Variants in LEKR1 observed in about 807,000 individuals in gnomAD.
LEKR1 encodes the protein leucine, glutamate and lysine rich 1.
LEKR1 carries 59 observed loss-of-function variants against 72.4 expected under a neutral mutation model. The ratio of observed to expected loss-of-function variants is 0.82; its 90% CI spans 0.66 to 1.01. The LOEUF (loss-of-function observed/expected upper bound fraction) is 1.01. Among genes scored for constraint, LEKR1 ranks in the 50% least tolerant of loss-of-function variants. The probability of loss-of-function intolerance (pLI) is 0.00; values close to 1 mark genes in which losing one functional copy is unlikely to be tolerated. For missense variants in LEKR1, 728 were observed against 759.2 expected (o/e 0.96, Z 0.48); for synonymous variants, 257 against 263.2 (o/e 0.98, Z 0.23).
At chr3:156,983,255 T>C (rs1251998663) in intron 7 of LEKR1, among the ~76,000 whole-genome samples, 2 of 152,000 alleles carry the variant, frequency 1.3e-5, no homozygotes, top group South Asian at 2.1e-4. Flanking sequence ...TGAAGAGCAA[T>C]TGAGTGGTGA....
chr3:156,911,860 A>G lies in LEKR1; in HGVS notation c.264-8715A>G, dbSNP rs527999023. ...GTTCTCTATTCTGTTCCATTGGTCTATGTGTCTGTTTTCATACCAGTACTA... is the reference window on the plus strand; with the variant it reads ...GTTCTCTATTCTGTTCCATTGGTCTGTGTGTCTGTTTTCATACCAGTACTA... On this transcript the variant is annotated intron_variant, in intron 3 of 12. Transcript: ENST00000356539. Among the ~76,000 whole-genome samples, 6 of 151,940 alleles carry G rather than the reference A, an allele frequency of 3.9e-5. 1 individual carries two copies. The South Asian group carries it at 1.0e-3, about 26-fold the overall frequency.
intron 3 of LEKR1, among the ~76,000 whole-genome samples, chr3:156,899,457 C>T (rs1299323474): frequency 2.9e-5 from 2 of 69,820 alleles, no homozygotes; most frequent in Non-Finnish European, 5.6e-5. Context: ...CATATATACA[C>T]ATATATACAT....
intron 2 of LEKR1, among the ~76,000 whole-genome samples, chr3:156,834,412 T>C (rs2108529016): frequency 6.6e-6 from 1 of 152,286 alleles, no homozygotes; most frequent in African/African-American, 2.4e-5. Context: ...TTTGGGACAA[T>C]CCTCAAAAAT....
At chr3:157,012,320 T>C (rs1732957330) in intron 10 of LEKR1, among the ~76,000 whole-genome samples, 1 of 152,108 alleles carries the variant, frequency 6.6e-6, no homozygotes, top group Non-Finnish European at 1.5e-5. Context: ...TCTTATTATG[T>C]CTTAAATTTT....
chr3:156,947,079 G>A (rs903856280), intron 6 of LEKR1, among the ~76,000 whole-genome samples: 3 of 150,460 alleles, frequency 2.0e-5, no homozygotes, highest in East Asian at 3.9e-4. Context: ...TTTTCATTTT[G>A]TTGATCTTTT....
intron 5 of LEKR1, among the ~76,000 whole-genome samples, chr3:156,931,911 A>G (rs888883393): frequency 6.6e-6 from 1 of 152,180 alleles, no homozygotes; most frequent in East Asian, 1.9e-4. Flanking sequence ...TTTTTATTAC[A>G]TAGTGGATGC....
rs999586690 is a variant in LEKR1 at position 156,850,246 on chromosome 3, T to G, written c.49-2522T>G. On this transcript the variant is annotated intron_variant, in intron 2 of 12. Coordinates refer to ENST00000356539, the MANE Select transcript of LEKR1 (RefSeq NM_001004316.3). ...TGAGTCTAAGATAATATAAGATATA[T>G]ATTTTTATATATTTTATATATTTGT... 5.3e-5 allele frequency among the ~76,000 whole-genome samples: 8 copies of G among 151,072 alleles called. No homozygotes were observed. The East Asian group carries it at 1.5e-3, about 29-fold the overall frequency.
At chr3:156,886,325 G>T (rs1384708980) in intron 3 of LEKR1, among the ~76,000 whole-genome samples, 1 of 152,064 alleles carries the variant, frequency 6.6e-6, no homozygotes, top group Non-Finnish European at 1.5e-5. Context: ...TTTACCCCAG[G>T]CCGTGAGCTA....
chr3:156,969,811 CACA>C (rs1481758017), intron 6 of LEKR1, among the ~76,000 whole-genome samples: 1 of 152,034 alleles, frequency 6.6e-6, no homozygotes, highest in Non-Finnish European at 1.5e-5. Context: ...CTGGCAGAGA[CACA>C]ACAAAAAAAG....
At chr3:156,923,128 C>T (rs548395004) in intron 4 of LEKR1, among the ~76,000 whole-genome samples, 65 of 152,194 alleles carry the variant, frequency 4.3e-4, no homozygotes, top group East Asian at 9.6e-4. Context: ...TTTATTACCC[C>T]GTATCTTTTT....
intron 3 of LEKR1, among the ~76,000 whole-genome samples, chr3:156,903,860 A>G (rs1032824125): frequency 6.6e-6 from 1 of 152,188 alleles, no homozygotes; most frequent in Non-Finnish European, 1.5e-5. Flanking sequence ...TGATTGACTC[A>G]GTGTTGGGGA....
intron 6 of LEKR1, among the ~76,000 whole-genome samples, chr3:156,958,722 C>T (rs1202489343): frequency 2.0e-5 from 3 of 152,146 alleles, no homozygotes; most frequent in Non-Finnish European, 4.4e-5. Context: ...CTTCTCTTCA[C>T]CTTGACTTCT....
intron 3 of LEKR1, among the ~76,000 whole-genome samples, chr3:156,903,319 T>A (rs901370167): frequency 2.6e-5 from 4 of 152,166 alleles, no homozygotes; most frequent in Non-Finnish European, 5.9e-5. Context: ...TGACTTTTAG[T>A]GATTTTTTGT....
chr3:157,018,431 A>G lies in LEKR1; in HGVS notation c.1204-6329A>G, dbSNP rs146428739. On this transcript the variant is annotated intron_variant, in intron 10 of 12. Transcript: ENST00000356539. ...AAATCGACCATATTTTGGCTTATAA[A>G]TAAGTCTCAATAAGTTTAAAAGGAT... Among the ~76,000 whole-genome samples, 290 of 152,360 alleles carry G rather than the reference A, an allele frequency of 1.9e-3. 1 individual carries two copies. Among genetic ancestry groups the G allele is most frequent in the Non-Finnish European group, 5.7e-4 (39 of 68,040 alleles).
At chr3:156,886,857 G>T (rs1720152101) in intron 3 of LEKR1, among the ~76,000 whole-genome samples, 1 of 152,152 alleles carries the variant, frequency 6.6e-6, no homozygotes, top group Non-Finnish European at 1.5e-5. Context: ...AATTCATATA[G>T]TAACGTGAAT....
At chr3:156,932,105 A>G (rs1250934509) in intron 5 of LEKR1, among the ~76,000 whole-genome samples, 2 of 152,324 alleles carry the variant, frequency 1.3e-5, no homozygotes, top group African/African-American at 2.4e-5. Flanking sequence ...TGATGGATGT[A>G]TAAAGTATTT....
chr3:156,962,324 G>A (rs2321297), intron 6 of LEKR1, among the ~76,000 whole-genome samples: 88,095 of 152,032 alleles, frequency 0.58, 26,540 homozygotes, highest in East Asian at 0.73. Context: ...TTTACAAACA[G>A]AAAACCAAGG....
intron 7 of LEKR1, among the ~76,000 whole-genome samples, chr3:156,981,727 G>A (rs139222801): frequency 3.3e-5 from 5 of 152,332 alleles, no homozygotes; most frequent in African/African-American, 1.2e-4. Context: ...TCAGAGGTCA[G>A]GAGGTGAGGC....
At chr3:157,020,428 C>A (rs1299848826) in intron 10 of LEKR1, among the ~76,000 whole-genome samples, 1 of 92,772 alleles carries the variant, frequency 1.1e-5, no homozygotes, top group Non-Finnish European at 2.1e-5. Context: ...TCCCTCCCCC[C>A]TCCCCCCACC....
Sources: gnomAD v4.1 joint callset for allele counts (sites outside exome capture counted in the v4.1 genomes callset) on GRCh38, gnomAD v4.1.1 for gene constraint, MANE v1.5 for transcripts, NCBI Gene and HGNC (gene_info 2026-07-23, HGNC 2026-07-21) for gene names.